CHN2: variants seen among roughly 807,000 people sequenced by gnomAD.
CHN2 encodes the protein chimerin 2.
In CHN2, 35 loss-of-function variants were observed where a neutral mutation model predicts 56.3. That is an observed-to-expected ratio of 0.62 (90% CI 0.47 to 0.82). The LOEUF (loss-of-function observed/expected upper bound fraction) is 0.82. CHN2 is among the 40% of genes least tolerant of loss of function. The pLI is 0.00. For synonymous variants in CHN2, 210 were observed against 212.8 expected, an observed-to-expected ratio of 0.99 and a Z score of 0.12; for missense variants, 491 against 580.5, an observed-to-expected ratio of 0.85 and a Z score of 1.58.
intron 2 of CHN2, among the ~76,000 whole-genome samples, chr7:29,189,550 G>A (rs918805650): frequency 2.0e-5 from 3 of 152,164 alleles, no homozygotes; most frequent in African/African-American, 7.2e-5. Flanking sequence ...AGACAGAAAA[G>A]ATGTTTGTAA....
chr7:29,367,074 C>CA (rs922631862), intron 2 of CHN2, among the ~76,000 whole-genome samples: 8 of 151,462 alleles, frequency 5.3e-5, no homozygotes, highest in African/African-American at 1.9e-4. Flanking sequence ...AGAACATCAA[C>CA]TTTTTTTTTC....
At chr7:29,485,893 T>C (rs1267743732) in intron 7 of CHN2, among the ~76,000 whole-genome samples, 1 of 151,976 alleles carries the variant, frequency 6.6e-6, no homozygotes, top group Admixed American at 6.5e-5. Flanking sequence ...TCCTGCCAAA[T>C]TCTCTCCCAC....
At chr7:29,272,497 GA>G (rs1790739487) in intron 1 of CHN2, among the ~76,000 whole-genome samples, 1 of 152,112 alleles carries the variant, frequency 6.6e-6, no homozygotes, top group Admixed American at 6.5e-5. Flanking sequence ...ACTAAAGAAA[GA>G]ACCTGTGCCC....
intron 2 of CHN2, among the ~76,000 whole-genome samples, chr7:29,160,572 G>T (rs1311041352): frequency 1.3e-5 from 2 of 152,132 alleles, no homozygotes; most frequent in Non-Finnish European, 2.9e-5. Context: ...GAGGGCTTGG[G>T]AAAGATTTTT....
At chr7:29,220,280 A>AAGAGAGAGAG (rs60474405) in intron 1 of CHN2, among the ~76,000 whole-genome samples, 11,232 of 138,006 alleles carry the variant, frequency 0.081, 553 homozygotes, top group Middle Eastern at 0.15. Flanking sequence ...AAAAAAAAAA[A>AAGAGAGAGAG]AGAGAGAGAG....
chr7:29,356,431 A>G (rs574898159), intron 2 of CHN2, among the ~76,000 whole-genome samples: 1 of 152,322 alleles, frequency 6.6e-6, no homozygotes, highest in African/African-American at 2.4e-5. Flanking sequence ...AAAATTTCCC[A>G]ACATCCACAA....
intron 1 of CHN2, among the ~76,000 whole-genome samples, chr7:29,295,153 T>C (rs1433234867): frequency 6.6e-6 from 1 of 152,228 alleles, no homozygotes; most frequent in African/African-American, 2.4e-5. Context: ...GTTGTTACTC[T>C]GTATTGTTTA....
rs568133419 is a variant in CHN2, at chr7:29,290,387, T to C, written c.50-64238T>C. ...TCTGTGGATAGCGAATCTCTGCTGC[T>C]GTTCCCATTTCTTTCCATTTGATAT... On this transcript the variant is annotated intron_variant, in intron 1 of 12. Coordinates refer to ENST00000222792, the MANE Select transcript of CHN2 (RefSeq NM_004067.4). 7.2e-5 allele frequency among the ~76,000 whole-genome samples: 11 copies of C among 152,366 alleles called. No homozygotes were observed. The South Asian group carries it at 1.9e-3, about 26-fold the overall frequency.
intron 1 of CHN2, among the ~76,000 whole-genome samples, chr7:29,331,216 C>T (rs1796186126): frequency 6.6e-6 from 1 of 152,198 alleles, no homozygotes; most frequent in African/African-American, 2.4e-5. Context: ...ACAGAAGGCA[C>T]ACTCAGCTGG....
chr7:29,459,037 C>T (rs887637598), intron 6 of CHN2, among the ~76,000 whole-genome samples: 1 of 152,218 alleles, frequency 6.6e-6, no homozygotes, highest in African/African-American at 2.4e-5. Flanking sequence ...TTAAGTTACA[C>T]TAAACTAGCA....
At chr7:29,170,777 G>C (rs560665041) in intron 2 of CHN2, among the ~76,000 whole-genome samples, 1 of 152,300 alleles carries the variant, frequency 6.6e-6, no homozygotes, top group African/African-American at 2.4e-5. Context: ...GTTCCATATG[G>C]CTGGTGGGGG....
At chr7:29,402,947 A>AAT (rs1802337627) in intron 6 of CHN2, among the ~76,000 whole-genome samples, 4 of 152,154 alleles carry the variant, frequency 2.6e-5, no homozygotes, top group Non-Finnish European at 5.9e-5. Flanking sequence ...TGAGCCACCC[A>AAT]ATATACATTT....
intron 6 of CHN2, among the ~76,000 whole-genome samples, chr7:29,435,070 C>T (rs1783123880): frequency 6.6e-6 from 1 of 151,998 alleles, no homozygotes; most frequent in African/African-American, 2.4e-5. Context: ...CCAGCCTGGG[C>T]AACAGAGCGA....
intron 1 of CHN2, among the ~76,000 whole-genome samples, chr7:29,349,830 T>G (rs577356967): frequency 6.6e-6 from 1 of 152,300 alleles, no homozygotes; most frequent in South Asian, 2.1e-4. Flanking sequence ...ATATGGGGCT[T>G]CTTGTTCTAC....
At chr7:29,352,006 G>A (rs1477552461) in intron 1 of CHN2, among the ~76,000 whole-genome samples, 2 of 152,182 alleles carry the variant, frequency 1.3e-5, no homozygotes, top group African/African-American at 4.8e-5. Context: ...TTAGGGGCCA[G>A]TGTTTCAGAT....
chr7:29,494,950 TAAAAAAAAAAAAAAAAAA>T (rs5883217), intron 7 of CHN2, among the ~76,000 whole-genome samples: 2 of 64,656 alleles, frequency 3.1e-5, no homozygotes, highest in African/African-American at 5.5e-5. Context: ...AAGCAGTTTG[TAAAAAAAAAAAAAAAAAA>T]AAAAAAAAAA....
intron 8 of CHN2, among the ~76,000 whole-genome samples, chr7:29,497,625 T>C (rs1583408418): frequency 6.6e-6 from 1 of 152,300 alleles, no homozygotes; most frequent in African/African-American, 2.4e-5. Flanking sequence ...AGAACCATCA[T>C]TGCCTCTCAG....
At chr7:29,458,196 T>A (rs1373572412) in intron 6 of CHN2, among the ~76,000 whole-genome samples, 1 of 152,126 alleles carries the variant, frequency 6.6e-6, no homozygotes, top group Admixed American at 6.6e-5. Flanking sequence ...ATAGGTGTGG[T>A]TAGGGAGATA....
At chr7:29,319,843 C>A (rs1795213632) in intron 1 of CHN2, among the ~76,000 whole-genome samples, 1 of 152,162 alleles carries the variant, frequency 6.6e-6, no homozygotes, top group Non-Finnish European at 1.5e-5. Flanking sequence ...CCCTTCGTCA[C>A]ATCTAGCTTT....
Sources: gnomAD v4.1 joint callset for allele counts (sites outside exome capture counted in the v4.1 genomes callset) on GRCh38, gnomAD v4.1.1 for gene constraint, MANE v1.5 for transcripts, NCBI Gene and HGNC (gene_info 2026-07-23, HGNC 2026-07-21) for gene names.